SLC35F4: variants seen among roughly 807,000 people sequenced by gnomAD.
SLC35F4 encodes chromosome 14 open reading frame 36.
Under a neutral mutation model 44.2 loss-of-function variants are expected in SLC35F4, and 24 were observed. That is an observed-to-expected ratio of 0.54 (90% CI 0.39 to 0.76). The LOEUF (loss-of-function observed/expected upper bound fraction) is 0.76, where lower values mean the gene tolerates loss of function less well. SLC35F4 is among the 30% of genes least tolerant of loss of function. SLC35F4 has a pLI of 0.00. For synonymous variants in SLC35F4, 238 were observed against 223.6 expected (o/e 1.06, Z -0.57); for missense variants, 562 against 586.1 (o/e 0.96, Z 0.42).
At chr14:57,744,868 G>A (rs1283049103) in intron 1 of SLC35F4, among the ~76,000 whole-genome samples, 1 of 152,182 alleles carries the variant, frequency 6.6e-6, no homozygotes, top group Non-Finnish European at 1.5e-5. Context: ...AGCCAAAACA[G>A]CATGGTACTG....
intron 1 of SLC35F4, among the ~76,000 whole-genome samples, chr14:57,826,489 C>A (rs1566885569): frequency 6.6e-6 from 1 of 151,910 alleles, no homozygotes; most frequent in Non-Finnish European, 1.5e-5. Context: ...AAAGCAATTG[C>A]AACAAAAGCA....
chr14:57,700,373 T>G (rs114521786), intron 1 of SLC35F4, among the ~76,000 whole-genome samples: 2 of 89,478 alleles, frequency 2.2e-5, no homozygotes, highest in East Asian at 5.1e-4. Context: ...AGTTTACAAA[T>G]TGCTCTAGGT....
At chr14:57,668,144 G>A (rs566905716) in intron 1 of SLC35F4, among the ~76,000 whole-genome samples, 41 of 150,998 alleles carry the variant, frequency 2.7e-4, no homozygotes, top group Non-Finnish European at 4.7e-4. Flanking sequence ...TTTGAGAAGT[G>A]TCTGTTCATA....
chr14:57,793,255 T>A (rs1287769336), intron 1 of SLC35F4, among the ~76,000 whole-genome samples: 6 of 152,096 alleles, frequency 3.9e-5, no homozygotes, highest in Non-Finnish European at 8.8e-5. Context: ...CTTTTATTTT[T>A]TTTTTTTCAA....
intron 1 of SLC35F4, among the ~76,000 whole-genome samples, chr14:57,722,341 A>G (rs910197479): frequency 6.6e-6 from 1 of 152,228 alleles, no homozygotes; most frequent in Non-Finnish European, 1.5e-5. Flanking sequence ...ATGTACAGGA[A>G]AAGGATCAAA....
At chr14:57,596,576 C>A (rs2070498750) in intron 1 of SLC35F4, 53 of 388,884 alleles carry the variant, frequency 1.4e-4, no homozygotes, top group South Asian at 1.0e-3. Flanking sequence ...TTCATTTTCC[C>A]AATATTCCAT....
chr14:57,888,262 G>T (rs1159145695), intron 1 of SLC35F4, among the ~76,000 whole-genome samples: 1 of 152,176 alleles, frequency 6.6e-6, no homozygotes. Context: ...GCAAATATAA[G>T]TTTGCAGAGG....
In SLC35F4 at chr14:57,667,540, T is replaced by TGC. The variant is rs1436321578; in HGVS notation, c.104-73417_104-73416insGC. On this transcript the variant is annotated intron_variant, in intron 1 of 7. Transcript: ENST00000556826. ...TGATGTTCCCCTTCCTGTGTCCACATGTTCTCAATGTTCAATTCCTACCTA... is the reference window on the plus strand; with the variant it reads ...TGATGTTCCCCTTCCTGTGTCCACATGCGTTCTCAATGTTCAATTCCTACCTA... Among the ~76,000 whole-genome samples the TGC allele has an allele frequency of 4.6e-4, 64 of 138,542 alleles. 1 individual carries two copies. The highest frequency in any genetic ancestry group is 1.6e-3 in the African/African-American group (59 of 37,230). 90.9% of individuals were successfully genotyped at this position (138,542 alleles called of 152,430 possible).
At chr14:57,825,446 C>T (rs973201710) in intron 1 of SLC35F4, among the ~76,000 whole-genome samples, 7 of 152,132 alleles carry the variant, frequency 4.6e-5, no homozygotes, top group Non-Finnish European at 7.4e-5. Flanking sequence ...TCAAAAGGAT[C>T]TCTAGGCAAC....
chr14:57,952,184 C>T (rs1299043471), intron 1 of SLC35F4, among the ~76,000 whole-genome samples: 1 of 152,134 alleles, frequency 6.6e-6, no homozygotes, highest in African/African-American at 2.4e-5. Flanking sequence ...AGCAGACCTG[C>T]AGCAGAGGGG....
chr14:57,894,511 T>A lies in SLC35F4; in HGVS notation n.282+87402A>T, dbSNP rs747414352. On this transcript the variant is annotated intron_variant and non_coding_transcript_variant, in intron 1 of 1. Coordinates refer to the SLC35F4 transcript ENST00000556568. ...CAGTAAATAAAATTAAGTGAAAAACTGCATAACAATAAAAATAACAAAAAG... is the reference window on the plus strand; with the variant it reads ...CAGTAAATAAAATTAAGTGAAAAACAGCATAACAATAAAAATAACAAAAAG... Among the ~76,000 whole-genome samples the A allele has an allele frequency of 3.0e-4, 46 of 152,086 alleles. 1 individual carries two copies. Among genetic ancestry groups the A allele is most frequent in the Admixed American group, 6.6e-5 (1 of 15,248 alleles).
chr14:57,719,027 A>G (rs1259629139), intron 1 of SLC35F4, among the ~76,000 whole-genome samples: 1 of 152,208 alleles, frequency 6.6e-6, no homozygotes, highest in Admixed American at 6.5e-5. Flanking sequence ...GGCAAGAGAT[A>G]GGGGCCAAGT....
intron 1 of SLC35F4, among the ~76,000 whole-genome samples, chr14:57,623,287 T>C (rs1213685774): frequency 6.6e-6 from 1 of 152,150 alleles, no homozygotes; most frequent in Non-Finnish European, 1.5e-5. Flanking sequence ...ATGTGCCCAA[T>C]ACAGAAGCAC....
chr14:57,670,667 T>C (rs2074485215), intron 1 of SLC35F4, among the ~76,000 whole-genome samples: 1 of 152,048 alleles, frequency 6.6e-6, no homozygotes, highest in African/African-American at 2.4e-5. Context: ...TCCTGAGTTC[T>C]AGTTTGATTG....
intron 1 of SLC35F4, among the ~76,000 whole-genome samples, chr14:57,878,169 G>A (rs1367632310): frequency 2.6e-5 from 4 of 151,930 alleles, no homozygotes; most frequent in Non-Finnish European, 5.9e-5. Context: ...GGGGCTGTTT[G>A]CTTTTTGCTT....
chr14:57,941,467 T>C (rs540968840), intron 1 of SLC35F4, among the ~76,000 whole-genome samples: 3 of 152,314 alleles, frequency 2.0e-5, no homozygotes, highest in South Asian at 2.1e-4. Flanking sequence ...TCCATTTATA[T>C]GAAATTTTGA....
At chr14:57,664,569 CG>C (rs1167585823) in intron 1 of SLC35F4, among the ~76,000 whole-genome samples, 1 of 152,006 alleles carries the variant, frequency 6.6e-6, no homozygotes, top group Admixed American at 6.6e-5. Context: ...CCACAATGCC[CG>C]GCTAATTTTT....
chr14:57,649,724 G>A (rs922834623), intron 1 of SLC35F4, among the ~76,000 whole-genome samples: 2 of 152,094 alleles, frequency 1.3e-5, no homozygotes, highest in African/African-American at 4.8e-5. Context: ...GCATGTGATG[G>A]GCACTAGGTA....
chr14:57,842,613 A>G (rs1885593370), intron 1 of SLC35F4, among the ~76,000 whole-genome samples: 1 of 151,934 alleles, frequency 6.6e-6, no homozygotes, highest in African/African-American at 2.4e-5. Context: ...TGCCCTCACC[A>G]CACAACCACC....
Sources: allele counts gnomAD v4.1 joint callset (sites outside exome capture counted in the v4.1 genomes callset), GRCh38; gene constraint gnomAD v4.1.1; transcripts MANE v1.5; gene names NCBI Gene and HGNC (gene_info 2026-07-23, HGNC 2026-07-21).